The following PIKFYVE variants were observed in gnomAD, a reference collection of about 807,000 sequenced individuals.
PIKFYVE encodes the protein phosphoinositide kinase, FYVE-type zinc finger containing.
Under a neutral mutation model 257.9 loss-of-function variants are expected in PIKFYVE, and 122 were observed. The observed-to-expected ratio is 0.47, with a 90% CI of 0.41 to 0.55. The LOEUF (loss-of-function observed/expected upper bound fraction) is 0.55, where lower values mean the gene tolerates loss of function less well. PIKFYVE is among the 20% of genes least tolerant of loss of function. The pLI, the probability that PIKFYVE is intolerant of heterozygous loss-of-function variation, is 0.00. For synonymous variants in PIKFYVE, 892 were observed against 868.9 expected (o/e 1.03, Z -0.47); for missense variants, 2,160 against 2,536.6 (o/e 0.85, Z 3.19).
chr2:208,301,603 A>G (rs932379749), intron 9 of PIKFYVE, among the ~76,000 whole-genome samples: 4 of 152,218 alleles, frequency 2.6e-5, no homozygotes, highest in African/African-American at 9.6e-5. Flanking sequence ...AAGGTACGTA[A>G]TGAAGTAAAG....
At chr2:208,312,931 AAGCGGGTACAAG>A (rs1695084084) in intron 13 of PIKFYVE, among the ~76,000 whole-genome samples, 2 of 152,220 alleles carry the variant, frequency 1.3e-5, no homozygotes, top group African/African-American at 4.8e-5. Context: ...GAGAGAAGGC[AAGCGGGTACAAG>A]GAGCCACTGC....
At chr2:208,290,403 C>T (rs1692159228) in intron 7 of PIKFYVE, among the ~76,000 whole-genome samples, 1 of 152,278 alleles carries the variant, frequency 6.6e-6, no homozygotes, top group South Asian at 2.1e-4. Flanking sequence ...AGGCTTCTTT[C>T]ACCTACTAAT....
intron 24 of PIKFYVE, 113 bp from the exon 25 acceptor site, chr2:208,335,193 T>G: frequency 1.3e-6 from 1 of 753,128 alleles, no homozygotes; most frequent in Non-Finnish European, 2.3e-6. Flanking sequence ...TACGATTTTA[T>G]AGAAACTTTT....
At chr2:208,280,157 T>TGGTCGGTATGTTAGCTTCCTA (rs1221775263) in intron 5 of PIKFYVE, among the ~76,000 whole-genome samples, 8 of 152,200 alleles carry the variant, frequency 5.3e-5, no homozygotes, top group Non-Finnish European at 1.0e-4. Context: ...CTTGTTAATA[T>TGGTCGGTATGTTAGCTTCCTA]GGTCGGTATG....
At chr2:208,335,523 G>C in intron 25 of PIKFYVE, 104 bp downstream of exon 25, 1 of 1,004,428 alleles carries the variant, frequency 1.0e-6, no homozygotes, top group Non-Finnish European at 1.5e-6. Flanking sequence ...TTTTCTAATT[G>C]TATGCTATGC....
intron 14 of PIKFYVE, 90 bp from the exon 15 acceptor site, chr2:208,315,103 A>C: frequency 8.5e-7 from 1 of 1,181,016 alleles, no homozygotes; most frequent in Non-Finnish European, 1.2e-6. Context: ...TGAAATGTTT[A>C]TTTCTTTGTA....
intron 28 of PIKFYVE, 69 bp downstream of exon 28, chr2:208,336,997 A>G: frequency 2.5e-6 from 3 of 1,214,836 alleles, no homozygotes; most frequent in Non-Finnish European, 3.6e-6. Flanking sequence ...TATAATACTT[A>G]GCAGGGATAG....
At chr2:208,267,229 GATTT>G (rs1254983252) in intron 1 of PIKFYVE, among the ~76,000 whole-genome samples, 1 of 56,930 alleles carries the variant, frequency 1.8e-5, no homozygotes, top group South Asian at 8.6e-4. Context: ...ACTTATTTCT[GATTT>G]ATTTGAGCCC....
chr2:208,320,928 C>T (rs765980601), intron 17 of PIKFYVE, among the ~76,000 whole-genome samples: 3 of 152,146 alleles, frequency 2.0e-5, no homozygotes, highest in Non-Finnish European at 4.4e-5. Context: ...GGCTCTCTCC[C>T]CAGGGAGGCA....
At position 208,276,699 on chromosome 2, in the gene PIKFYVE, T is replaced by A. The variant is rs762485385; in HGVS notation, c.323-13T>A. 30 of 1,602,872 alleles carry A rather than the reference T, an allele frequency of 1.9e-5. No homozygotes were observed. Among genetic ancestry groups the A allele is most frequent in the Non-Finnish European group, 2.3e-5 (27 of 1,169,818 alleles). Reference sequence around the variant, plus strand: ...ACTGTTAACAAGGTTGCTTTTTTTTTAATCCAACTCAGACACAAGAAGGAA... The same window carrying A: ...ACTGTTAACAAGGTTGCTTTTTTTTAAATCCAACTCAGACACAAGAAGGAA... On this transcript the variant is annotated splice_polypyrimidine_tract_variant and intron_variant, in intron 3 of 41. Transcript: ENST00000264380.
chr2:208,304,753 AAAC>A, intron 11 of PIKFYVE, 90 bp from the exon 12 acceptor site: 2 of 1,292,178 alleles, frequency 1.5e-6, no homozygotes, highest in South Asian at 1.2e-5. Context: ...TATATTAAAA[AAAC>A]ATTTTTCTCC....
intron 25 of PIKFYVE, 96 bp from the exon 26 acceptor site, chr2:208,335,691 TAATTTC>T: frequency 1.0e-6 from 1 of 998,462 alleles, no homozygotes; most frequent in Non-Finnish European, 1.6e-6. Context: ...AGGTAAAACA[TAATTTC>T]AATTACATTT....
At chr2:208,303,324 G>C (rs1574526431) in intron 10 of PIKFYVE, among the ~76,000 whole-genome samples, 2 of 151,610 alleles carry the variant, frequency 1.3e-5, no homozygotes, top group South Asian at 4.2e-4. Flanking sequence ...TGACCGTTAA[G>C]AATTAGGGAT....
In PIKFYVE at chr2:208,325,435, A is replaced by T. The variant is rs1367809149; in HGVS notation, c.2624A>T (p.Asp875Val). The change falls in exon 20 of 42, where the codon GAT (aspartate) becomes GTT (valine). Residue 875 changes from aspartate to valine, a missense_variant. Physicochemically the swap from Asp to Val is radical, Grantham distance 152. Around this residue, in one of 12 missense-constraint regions of PIKFYVE, gnomAD observed 522 missense variants for 514.6 expected, o/e 1.01. Transcript: ENST00000264380. ...HSQLEISFLM[D>V]EFAMPPTLMQ... The stretch of plus-strand genomic sequence containing the variant: ...CAACTAGAAATATCCTTTCTCATGG[A>T]TGAATTTGCTATGCCTCCCACATTA... 1 of 1,614,040 alleles carries T rather than the reference A, an allele frequency of 6.2e-7. No individual in the cohort carries two copies. Among genetic ancestry groups the T allele is most frequent in the Non-Finnish European group, 8.5e-7 (1 of 1,180,040 alleles).
At chr2:208,279,045 T>C (rs1246892925) in intron 5 of PIKFYVE, among the ~76,000 whole-genome samples, 1 of 152,230 alleles carries the variant, frequency 6.6e-6, no homozygotes, top group African/African-American at 2.4e-5. Flanking sequence ...GCATTCTCTT[T>C]TCTCTGCAGC....
chr2:208,352,962 C>T (rs1277613661), intron 39 of PIKFYVE, among the ~76,000 whole-genome samples, 180 bp downstream of exon 39: 1 of 152,122 alleles, frequency 6.6e-6, no homozygotes, highest in Non-Finnish European at 1.5e-5. Context: ...AGGAATTATT[C>T]TTGTGGAGTG....
At chr2:208,276,869 C>T in intron 4 of PIKFYVE, 39 bp downstream of exon 4, 2 of 1,518,584 alleles carry the variant, frequency 1.3e-6, no homozygotes, top group Admixed American at 1.7e-5. Context: ...TTATTAAGCG[C>T]TTATGGGGAT....
At chr2:208,280,651 C>T (rs542115715) in intron 5 of PIKFYVE, among the ~76,000 whole-genome samples, 11 of 152,282 alleles carry the variant, frequency 7.2e-5, no homozygotes, top group African/African-American at 2.6e-4. Context: ...GACCAATCCC[C>T]TCTTCATTCA....
intron 19 of PIKFYVE, 69 bp from the exon 20 acceptor site, chr2:208,325,201 A>G (rs1696779883): frequency 6.4e-7 from 1 of 1,563,704 alleles, no homozygotes; most frequent in Non-Finnish European, 8.8e-7. Context: ...AAGAGAGTGA[A>G]TTAATTCTAT....
Sources: allele counts gnomAD v4.1 joint callset (sites outside exome capture counted in the v4.1 genomes callset), GRCh38; gene constraint gnomAD v4.1.1; regional missense constraint gnomAD v4.1.1; transcripts MANE v1.5; gene names NCBI Gene and HGNC (gene_info 2026-07-23, HGNC 2026-07-21).